The following TRPC7 variants were observed in gnomAD, a reference collection of about 807,000 sequenced individuals.
TRPC7 encodes the protein transient receptor potential cation channel subfamily C member 7.
Under a neutral mutation model 90.1 loss-of-function variants are expected in TRPC7, and 42 were observed. The ratio of observed to expected loss-of-function variants is 0.47; its 90% CI spans 0.36 to 0.60. The LOEUF (loss-of-function observed/expected upper bound fraction) is 0.60, where lower values mean the gene tolerates loss of function less well. Among genes scored for constraint, TRPC7 ranks in the 20% least tolerant of loss-of-function variants. TRPC7 has a pLI of 0.00. For synonymous variants in TRPC7, 451 were observed against 436.3 expected, an observed-to-expected ratio of 1.03 and a Z score of -0.42; for missense variants, 955 against 1,112.3, an observed-to-expected ratio of 0.86 and a Z score of 2.01.
At chr5:136,354,251 A>G (rs1760290310) in intron 2 of TRPC7, among the ~76,000 whole-genome samples, 1 of 152,148 alleles carries the variant, frequency 6.6e-6, no homozygotes, top group Admixed American at 6.5e-5. Context: ...GGTAAGGTTT[A>G]CTGTACAGAA....
intron 2 of TRPC7, 127 bp downstream of exon 2, chr5:136,356,480 TG>T: frequency 1.0e-6 from 1 of 974,786 alleles, no homozygotes; most frequent in Non-Finnish European, 1.4e-6. Context: ...CCTCCTCCCC[TG>T]GGCCTGCTCA....
chr5:136,360,389 AG>A (rs1561734401), intron 1 of TRPC7, among the ~76,000 whole-genome samples: 1 of 152,246 alleles, frequency 6.6e-6, no homozygotes, highest in Non-Finnish European at 1.5e-5. Context: ...CTAAATCTTA[AG>A]TCCTAAGACT....
Position 136,305,699 on chromosome 5 carries a change from T to A in TRPC7, c.963+9898A>T, listed in dbSNP as rs542814084. Reference sequence around the variant, plus strand: ...TTCCTCAGTTTAGCCTTCCCACCTCTATACAGTCTGATAACAGACCAGCCT... The same window carrying A: ...TTCCTCAGTTTAGCCTTCCCACCTCAATACAGTCTGATAACAGACCAGCCT... On this transcript the variant is annotated intron_variant, in intron 3 of 11. Transcript: ENST00000513104. 2.0e-3 allele frequency among the ~76,000 whole-genome samples: 301 copies of A among 152,292 alleles called. 1 individual carries two copies. The highest frequency in any genetic ancestry group is 6.5e-3 in the African/African-American group (272 of 41,564).
Position 136,299,340 on chromosome 5 carries a change from CGTGTGTGTGTGTGT to C in TRPC7, c.963+16243_963+16256del, listed in dbSNP as rs529330866. ...GAAATTTCTCTGACTGGGGTGTGTG[CGTGTGTGTGTGTGT>C]GTGTGTGTGTGTGTGTGTGTGTGTG... On this transcript the variant is annotated intron_variant, in intron 3 of 11. Transcript: ENST00000513104. 8.6e-4 allele frequency among the ~76,000 whole-genome samples: 106 copies of C among 122,724 alleles called. 1 individual carries two copies. The highest frequency in any genetic ancestry group is 2.6e-3 in the African/African-American group (86 of 32,634). The allele number at this position is 122,724 out of a possible 152,430, so 80.5% of individuals were successfully genotyped here.
intron 5 of TRPC7, among the ~76,000 whole-genome samples, chr5:136,260,980 G>T (rs1210999099): frequency 6.6e-6 from 1 of 152,186 alleles, no homozygotes; most frequent in Middle Eastern, 3.2e-3. Context: ...TGTCATGGGA[G>T]AAAAGAACTG....
intron 2 of TRPC7, among the ~76,000 whole-genome samples, chr5:136,326,470 T>G (rs1300335655): frequency 1.1e-4 from 16 of 152,122 alleles, no homozygotes; most frequent in Admixed American, 1.0e-3. Flanking sequence ...TTTCTTTCAG[T>G]GCAATAGAAA....
intron 3 of TRPC7, among the ~76,000 whole-genome samples, chr5:136,311,931 G>A (rs1758845748): frequency 6.6e-6 from 1 of 152,218 alleles, no homozygotes; most frequent in African/African-American, 2.4e-5. Flanking sequence ...ATCGGCTACT[G>A]AAGCCTGGAG....
chr5:136,225,669 A>G (rs961966866), intron 9 of TRPC7, among the ~76,000 whole-genome samples: 1 of 152,178 alleles, frequency 6.6e-6, no homozygotes, highest in African/African-American at 2.4e-5. Context: ...AAAGCCAGAC[A>G]GTGGGAAGGA....
intron 3 of TRPC7, among the ~76,000 whole-genome samples, chr5:136,277,138 A>G (rs1241004845): frequency 1.3e-5 from 2 of 152,218 alleles, no homozygotes; most frequent in Non-Finnish European, 2.9e-5. Flanking sequence ...CTTGGCAGAC[A>G]GGTCAGCACC....
chr5:136,279,154 C>T (rs1048117778), intron 3 of TRPC7, among the ~76,000 whole-genome samples: 2 of 152,108 alleles, frequency 1.3e-5, no homozygotes, highest in South Asian at 4.1e-4. Context: ...CCAAGGACAG[C>T]AGGACACAAA....
chr5:136,282,647 A>T (rs545578478), intron 3 of TRPC7, among the ~76,000 whole-genome samples: 1 of 152,238 alleles, frequency 6.6e-6, no homozygotes, highest in Non-Finnish European at 1.5e-5. Context: ...AAAGTTATAA[A>T]TATTCTTAAT....
chr5:136,336,569 T>C (rs1759671986), intron 2 of TRPC7, among the ~76,000 whole-genome samples: 1 of 152,020 alleles, frequency 6.6e-6, no homozygotes, highest in Non-Finnish European at 1.5e-5. Context: ...TGCAGGTTTG[T>C]TACATATGTA....
intron 4 of TRPC7, among the ~76,000 whole-genome samples, chr5:136,269,804 A>G (rs964200208): frequency 6.6e-6 from 1 of 152,194 alleles, no homozygotes; most frequent in Non-Finnish European, 1.5e-5. Context: ...TGTCTAACAT[A>G]GGGCTCAGGA....
rs141002311 is a variant in TRPC7 at position 136,332,348 on chromosome 5, C to A, written c.781-16569G>T. 5.1e-3 allele frequency among the ~76,000 whole-genome samples: 772 copies of A among 152,180 alleles called. 5 individuals carry two copies. Among genetic ancestry groups the A allele is most frequent in the African/African-American group, 0.018 (734 of 41,510 alleles). Reference sequence around the variant, plus strand: ...ACGATGATCAGAGCCCCGACAGGCACCTGCACGGACTGTGACGACTGCAGC... The same window carrying A: ...ACGATGATCAGAGCCCCGACAGGCAACTGCACGGACTGTGACGACTGCAGC... On this transcript the variant is annotated intron_variant, in intron 2 of 11. Transcript: ENST00000513104.
intron 1 of TRPC7, among the ~76,000 whole-genome samples, chr5:136,361,891 G>C (rs991035411): frequency 1.3e-5 from 2 of 152,104 alleles, no homozygotes; most frequent in African/African-American, 4.8e-5. Context: ...CCAAAATAAA[G>C]GGAGTAATAA....
At chr5:136,215,143 CAGTT>C (rs757287676) in intron 11 of TRPC7, among the ~76,000 whole-genome samples, 1 of 152,104 alleles carries the variant, frequency 6.6e-6, no homozygotes, top group Non-Finnish European at 1.5e-5. Flanking sequence ...ACACGGCTGT[CAGTT>C]AGATGCTGAG....
At chr5:136,260,721 A>G (rs1212791959) in intron 5 of TRPC7, among the ~76,000 whole-genome samples, 1 of 152,194 alleles carries the variant, frequency 6.6e-6, no homozygotes, top group Non-Finnish European at 1.5e-5. Context: ...TTACGTTTTA[A>G]ATGGATCACT....
At chr5:136,302,018 C>T (rs771596036) in intron 3 of TRPC7, among the ~76,000 whole-genome samples, 2 of 152,232 alleles carry the variant, frequency 1.3e-5, no homozygotes, top group Non-Finnish European at 2.9e-5. Context: ...CAACCTCCCT[C>T]ACTATCCCTC....
intron 5 of TRPC7, among the ~76,000 whole-genome samples, chr5:136,261,155 T>C (rs1392467626): frequency 6.6e-6 from 1 of 152,162 alleles, no homozygotes; most frequent in Non-Finnish European, 1.5e-5. Context: ...AAGACCCTTC[T>C]CATAAACACA....
Sources: gnomAD v4.1 joint callset for allele counts (sites outside exome capture counted in the v4.1 genomes callset) on GRCh38, gnomAD v4.1.1 for gene constraint, MANE v1.5 for transcripts, NCBI Gene and HGNC (gene_info 2026-07-23, HGNC 2026-07-21) for gene names.